The following CYP3A5 variants were observed in gnomAD, a reference collection of about 807,000 sequenced individuals.
The protein encoded by CYP3A5 is cytochrome P450 3A5.
A neutral mutation model predicts 55.9 loss-of-function variants in CYP3A5; 51 were observed. That is an observed-to-expected ratio of 0.91 (90% CI 0.73 to 1.15). CYP3A5 has a LOEUF of 1.15. Ranked by LOEUF, CYP3A5 falls within the 50% of genes most tolerant of loss-of-function variation. CYP3A5 has a pLI of 0.00. For synonymous variants in CYP3A5, 196 were observed against 213.9 expected, an observed-to-expected ratio of 0.92 and a Z score of 0.73; for missense variants, 533 against 596.6, an observed-to-expected ratio of 0.89 and a Z score of 1.11.
intron 10 of CYP3A5, chr7:99,659,671 A>G (rs1368053133): frequency 6.6e-6 from 1 of 152,632 alleles, no homozygotes; most frequent in Admixed American, 6.5e-5. Context: ...CTGCCCCTAG[A>G]GGTGGAGTCT....
At chr7:99,671,763 T>G (rs1343061026) in intron 4 of CYP3A5, 1 of 701,160 alleles carries the variant, frequency 1.4e-6, no homozygotes, top group African/African-American at 1.8e-5. Flanking sequence ...TTTGCTCTGA[T>G]ATAGAACCTG....
chr7:99,661,579 G>C (rs996574825), intron 9 of CYP3A5, among the ~76,000 whole-genome samples: 1 of 152,220 alleles, frequency 6.6e-6, no homozygotes, highest in Non-Finnish European at 1.5e-5. Flanking sequence ...TCACTAGTCT[G>C]TTTGGTCAGG....
intron 6 of CYP3A5, 113 bp downstream of exon 6, chr7:99,666,488 C>T: frequency 8.4e-7 from 1 of 1,184,206 alleles, no homozygotes; most frequent in Non-Finnish European, 1.2e-6. Context: ...TGCAGCGCTG[C>T]CCTGCTTTTG....
At chr7:99,673,510 A>T (rs914709290) in intron 3 of CYP3A5, among the ~76,000 whole-genome samples, 1 of 152,254 alleles carries the variant, frequency 6.6e-6, no homozygotes, top group Admixed American at 6.5e-5. Flanking sequence ...ATATTTGTAT[A>T]TCCTTCTATT....
At chr7:99,650,990 T>G (rs1376041646) in intron 11 of CYP3A5, among the ~76,000 whole-genome samples, 3 of 152,242 alleles carry the variant, frequency 2.0e-5, no homozygotes, top group Admixed American at 2.0e-4. Flanking sequence ...GAAAAAATGT[T>G]GATTCAAAGA....
At chr7:99,658,215 G>T (rs563520622) in intron 10 of CYP3A5, among the ~76,000 whole-genome samples, 3 of 152,256 alleles carry the variant, frequency 2.0e-5, no homozygotes, top group South Asian at 4.2e-4. Flanking sequence ...TGCAGTGGCT[G>T]GTACCAGTTG....
chr7:99,664,486 A>G (rs1379193692), intron 7 of CYP3A5, among the ~76,000 whole-genome samples: 1 of 152,228 alleles, frequency 6.6e-6, no homozygotes, highest in Non-Finnish European at 1.5e-5. Context: ...TATGTACATC[A>G]ACTTCCATGG....
At chr7:99,648,868 TCCC>T (rs1485432024) in intron 12 of CYP3A5, among the ~76,000 whole-genome samples, 1 of 152,184 alleles carries the variant, frequency 6.6e-6, no homozygotes, top group African/African-American at 2.4e-5. Context: ...TAGTAACCCT[TCCC>T]AGTTGAACCC....
intron 4 of CYP3A5, among the ~76,000 whole-genome samples, chr7:99,669,201 A>C (rs1811337727): frequency 1.3e-5 from 2 of 152,242 alleles, no homozygotes; most frequent in South Asian, 4.1e-4. Context: ...TTGTTGAGGC[A>C]AATAGCGAAG....
chr7:99,648,223 A>G lies in CYP3A5; in HGVS notation c.*82T>C. The G allele has an allele frequency of 1.3e-6, 2 of 1,540,288 alleles. No homozygotes were observed. Among genetic ancestry groups the G allele is most frequent in the Middle Eastern group, 1.7e-4 (1 of 5,742 alleles). Reference sequence around the variant, plus strand: ...TTAGATTAAGCCCATCTTTATTTCAAGGTTTTATTGACTAAGTTGAAATCT... The same window carrying G: ...TTAGATTAAGCCCATCTTTATTTCAGGGTTTTATTGACTAAGTTGAAATCT... On this transcript the variant is annotated 3_prime_UTR_variant, in exon 13 of 13. Coordinates refer to ENST00000222982, the MANE Select transcript of CYP3A5 (RefSeq NM_000777.5).
chr7:99,656,433 A>G (rs1245062164), intron 10 of CYP3A5, among the ~76,000 whole-genome samples: 5 of 152,210 alleles, frequency 3.3e-5, no homozygotes, highest in African/African-American at 1.2e-4. Flanking sequence ...GATGAAGCCC[A>G]CTTGATCATG....
rs2151420807 is a variant in CYP3A5, at chr7:99,665,267, C to T, written c.569G>A (p.Gly190Glu). The T allele has an allele frequency of 1.2e-6, 2 of 1,614,092 alleles. No individual in the cohort carries two copies. Among genetic ancestry groups the T allele is most frequent in the Non-Finnish European group, 1.7e-6 (2 of 1,179,998 alleles). Residue 190 changes from glycine (G) to glutamate (E), a missense_variant, in exon 7 of 13, where the codon GGA (glycine) becomes GAA (glutamate). Coordinates refer to ENST00000222982, the MANE Select transcript of CYP3A5 (RefSeq NM_000777.5). ...SMDVITGTSF[G>E]VNIDSLNNPQ... ...ATTGTTGAGAGAGTCGATGTTCACTCCAAATGATGTGCCAGTAATCACATC... is the reference window on the plus strand; with the variant it reads ...ATTGTTGAGAGAGTCGATGTTCACTTCAAATGATGTGCCAGTAATCACATC...
intron 4 of CYP3A5, chr7:99,671,553 T>C: frequency 2.8e-6 from 1 of 360,728 alleles, no homozygotes; most frequent in Non-Finnish European, 5.0e-6. Context: ...AAAATGAACC[T>C]TGATCTAAAT....
At chr7:99,668,755 G>T (rs1053519356) in intron 4 of CYP3A5, among the ~76,000 whole-genome samples, 1 of 152,252 alleles carries the variant, frequency 6.6e-6, no homozygotes, top group Non-Finnish European at 1.5e-5. Context: ...AAGGCAGAGC[G>T]CTGCTGTACA....
At position 99,662,839 on chromosome 7, in the gene CYP3A5, G is replaced by A. The variant is rs111371159; in HGVS notation, c.842C>T (p.Ser281Leu). ...ACCTTTGTGGGACTCAGTTTCTTTCGAATTCTGGGAGTCAATCATCAGCTG... is the reference window on the plus strand; with the variant it reads ...ACCTTTGTGGGACTCAGTTTCTTTCAAATTCTGGGAGTCAATCATCAGCTG... ...FLQLMIDSQN[S>L]KETESHKALS... Residue 281 changes from serine to leucine, a missense_variant, in exon 9 of 13, where the codon TCG (serine) becomes TTG (leucine). Physicochemically the swap from Ser to Leu is moderately radical, Grantham distance 145 (BLOSUM62 -2). Transcript: ENST00000222982. This position sits in a 1 kb window ranked among gnomAD's most constrained non-coding sequence, Gnocchi z 4.3. 4.3e-6 allele frequency: 7 copies of A among 1,613,768 alleles called. No homozygotes were observed. The highest frequency in any genetic ancestry group is 4.0e-5 in the African/African-American group (3 of 74,870).
At chr7:99,666,822 G>A in intron 5 of CYP3A5, 130 bp downstream of exon 5, 5 of 1,579,760 alleles carry the variant, frequency 3.2e-6, no homozygotes, top group Non-Finnish European at 4.3e-6. Context: ...TGTACATAAA[G>A]ATAAAAGACC....
intron 10 of CYP3A5, among the ~76,000 whole-genome samples, chr7:99,656,116 G>A (rs1393136017): frequency 6.6e-6 from 1 of 152,132 alleles, no homozygotes; most frequent in Non-Finnish European, 1.5e-5. Context: ...CCAACACTAT[G>A]TTGAATAGGA....
intron 9 of CYP3A5, among the ~76,000 whole-genome samples, chr7:99,661,303 T>C (rs1175718461): frequency 6.6e-6 from 1 of 152,140 alleles, no homozygotes; most frequent in Non-Finnish European, 1.5e-5. Flanking sequence ...AATCCAAACT[T>C]GCAGGAGATA....
intron 4 of CYP3A5, among the ~76,000 whole-genome samples, chr7:99,667,974 T>C (rs1329038141): frequency 1.3e-5 from 2 of 152,122 alleles, no homozygotes; most frequent in Non-Finnish European, 2.9e-5. Flanking sequence ...GGCATACAGA[T>C]TGGAAAGGAA....
Sources: gnomAD v4.1 joint callset for allele counts (sites outside exome capture counted in the v4.1 genomes callset) on GRCh38, gnomAD v4.1.1 for gene constraint, Gnocchi (gnomAD v3.1) non-coding constraint, MANE v1.5 for transcripts, NCBI Gene and HGNC (gene_info 2026-07-23, HGNC 2026-07-21) for gene names.